PHLPP1: variants seen among roughly 807,000 people sequenced by gnomAD.
PHLPP1 encodes PH domain and leucine rich repeat protein phosphatase 1, also known as PH domain leucine-rich repeat-containing protein phosphatase 1.
A neutral mutation model predicts 117.2 loss-of-function variants in PHLPP1; 42 were observed. That is an observed-to-expected ratio of 0.36 (90% confidence interval 0.28 to 0.46). The LOEUF is 0.46. Among genes scored for constraint, PHLPP1 ranks in the 20% least tolerant of loss-of-function variants. The pLI, the probability that PHLPP1 is intolerant of heterozygous loss-of-function variation, is 1.00. For missense variants in PHLPP1, 2,084 were observed against 2,241.9 expected (o/e 0.93, Z 1.42); for synonymous variants, 1,042 against 970.7 (o/e 1.07, Z -1.37).
chr18:62,761,272 A>G (rs1449311088), intron 1 of PHLPP1, among the ~76,000 whole-genome samples: 2 of 152,246 alleles, frequency 1.3e-5, no homozygotes, highest in African/African-American at 4.8e-5. Context: ...AATATTCTGG[A>G]AGGAATGGTG....
At chr18:62,811,673 G>T (rs1421349808) in intron 1 of PHLPP1, among the ~76,000 whole-genome samples, 1 of 151,840 alleles carries the variant, frequency 6.6e-6, no homozygotes, top group Non-Finnish European at 1.5e-5. Flanking sequence ...TTAAAACAAA[G>T]CTTCTAAAAT....
chr18:62,927,457 C>A (rs1403802313), intron 10 of PHLPP1, among the ~76,000 whole-genome samples: 1 of 151,980 alleles, frequency 6.6e-6, no homozygotes, highest in African/African-American at 2.4e-5. Context: ...TAAATATAGT[C>A]AAGTGAACAT....
At chr18:62,738,595 A>C (rs79424389) in intron 1 of PHLPP1, among the ~76,000 whole-genome samples, 3,725 of 152,310 alleles carry the variant, frequency 0.024, 73 homozygotes, top group Non-Finnish European at 0.04. Flanking sequence ...TCCTGGAACC[A>C]GTACCACTTG....
chr18:62,744,308 G>C (rs547544517), intron 1 of PHLPP1, among the ~76,000 whole-genome samples: 1 of 152,346 alleles, frequency 6.6e-6, no homozygotes, highest in African/African-American at 2.4e-5. Context: ...CTGGGTTTGT[G>C]AACCCTGACT....
At chr18:62,893,768 AG>A (rs1916485690) in intron 4 of PHLPP1, among the ~76,000 whole-genome samples, 1 of 150,614 alleles carries the variant, frequency 6.6e-6, no homozygotes. Context: ...GGTCGTTGAT[AG>A]GCCAAATGTA....
At chr18:62,788,941 TA>T (rs200453069) in intron 1 of PHLPP1, among the ~76,000 whole-genome samples, 5 of 151,500 alleles carry the variant, frequency 3.3e-5, no homozygotes, top group Admixed American at 6.6e-5. Flanking sequence ...GAGGTGTGTT[TA>T]AAAAAAAATA....
chr18:62,720,155 T>A (rs947139709), intron 1 of PHLPP1, among the ~76,000 whole-genome samples: 3 of 152,170 alleles, frequency 2.0e-5, no homozygotes, highest in African/African-American at 7.2e-5. Context: ...AAATTTTGCC[T>A]GAAAGAGAGT....
At chr18:62,865,416 T>G (rs1915748052) in intron 4 of PHLPP1, among the ~76,000 whole-genome samples, 1 of 152,240 alleles carries the variant, frequency 6.6e-6, no homozygotes, top group Non-Finnish European at 1.5e-5. Flanking sequence ...TAATCATTAT[T>G]ATCATTTTGT....
intron 12 of PHLPP1, among the ~76,000 whole-genome samples, chr18:62,950,553 TG>T (rs1368709089): frequency 6.6e-6 from 1 of 152,072 alleles, no homozygotes; most frequent in Non-Finnish European, 1.5e-5. Flanking sequence ...GGGAAATGGC[TG>T]GGTAGAATGG....
chr18:62,716,040 C>G lies in PHLPP1; in HGVS notation c.357C>G (p.Leu119=). ...GGGCCGGCGGCGGCGCCAACTCCCTCCTGCTGAGGAGAGGGCGGCTGAAGA... is the reference window on the plus strand; with the variant it reads ...GGGCCGGCGGCGGCGCCAACTCCCTGCTGCTGAGGAGAGGGCGGCTGAAGA... ...VPGAGGGANS[L]LLRRGRLKRN... The change falls in exon 1 of 17, where the codon CTC becomes CTG. Residue 119 remains leucine, a synonymous_variant. Coordinates refer to ENST00000262719, the MANE Select transcript of PHLPP1 (RefSeq NM_194449.4). The surrounding 1 kb of genome is among the most constrained non-coding windows in gnomAD (Gnocchi z 5.7). 6.2e-6 allele frequency: 9 copies of G among 1,440,802 alleles called. No homozygotes were observed. The highest frequency in any genetic ancestry group is 2.9e-5 in the East Asian group (1 of 34,126). The allele number at this position is 1,440,802 out of a possible 1,614,324, so 89.3% of individuals were successfully genotyped here.
intron 11 of PHLPP1, among the ~76,000 whole-genome samples, 197 bp downstream of exon 11, chr18:62,942,115 CA>C (rs2144453937): frequency 6.6e-6 from 1 of 152,236 alleles, no homozygotes; most frequent in East Asian, 1.9e-4. Context: ...CATATGTGTC[CA>C]AAGACCTAAT....
chr18:62,874,192 A>G (rs1428700719), intron 4 of PHLPP1, among the ~76,000 whole-genome samples: 1 of 150,090 alleles, frequency 6.7e-6, no homozygotes, highest in Non-Finnish European at 1.5e-5. Context: ...CTCAAAAAAA[A>G]AAAAAAAAGA....
intron 1 of PHLPP1, among the ~76,000 whole-genome samples, chr18:62,721,557 G>A (rs1044459236): frequency 2.0e-5 from 3 of 151,792 alleles, no homozygotes; most frequent in South Asian, 2.1e-4. Context: ...TTAAAAAATC[G>A]AGTTGTCTTT....
At position 62,956,034 on chromosome 18, in the gene PHLPP1, AAAAAC is replaced by A. The variant is rs997754018; in HGVS notation, c.3325-2586_3325-2582del. On this transcript the variant is annotated intron_variant, in intron 12 of 16. Transcript: ENST00000262719. ...GATGTAACCATTATTTATAATTGAA[AAAAAC>A]AAAACAAAGCAAAAAAGAGATGACT... Among the ~76,000 whole-genome samples the A allele has an allele frequency of 2.8e-3, 421 of 152,328 alleles. 3 individuals carry two copies. The highest frequency in any genetic ancestry group is 9.7e-3 in the African/African-American group (405 of 41,564).
At chr18:62,974,128 G>A (rs1203352529) in intron 15 of PHLPP1, among the ~76,000 whole-genome samples, 1 of 152,142 alleles carries the variant, frequency 6.6e-6, no homozygotes, top group Non-Finnish European at 1.5e-5. Flanking sequence ...ATTAAAAACT[G>A]AGAACCCCAG....
rs755762548 is a variant in PHLPP1, at chr18:62,941,837, A to G, written c.3080A>G (p.Lys1027Arg). ...LYLTNNSLTD[K>R]CVPLLTGHPH... is the part of the protein sequence containing the mutation. The stretch of plus-strand genomic sequence containing the variant: ...TTGACAAATAACAGCCTCACAGACA[A>G]ATGTGTGCCCTTGTTAACGGGACAC... The change falls in exon 11 of 17, where the codon AAA becomes AGA. Residue 1027 changes from lysine to arginine, a missense_variant. Physicochemically the swap from Lys to Arg is conservative, Grantham distance 26 (BLOSUM62 2). Around this residue, in one of 2 missense-constraint regions of PHLPP1, gnomAD observed 1,365 missense variants for 1,605.9 expected, o/e 0.85. Transcript: ENST00000262719. 9 of 1,613,900 alleles carry G rather than the reference A, an allele frequency of 5.6e-6. No individual in the cohort carries two copies. Among genetic ancestry groups the G allele is most frequent in the Middle Eastern group, 3.3e-4 (2 of 6,084 alleles).
intron 1 of PHLPP1, among the ~76,000 whole-genome samples, chr18:62,728,904 G>GAGA (rs1020262572): frequency 4.6e-5 from 7 of 152,128 alleles, no homozygotes; most frequent in African/African-American, 1.7e-4. Flanking sequence ...TGGCTAGCCT[G>GAGA]AGAAGGGGGT....
intron 1 of PHLPP1, chr18:62,824,255 A>G (rs1163350324): frequency 1.1e-5 from 5 of 453,926 alleles, no homozygotes; most frequent in Non-Finnish European, 2.2e-5. Flanking sequence ...AGAGGAATCA[A>G]AACATTTGTC....
intron 1 of PHLPP1, among the ~76,000 whole-genome samples, chr18:62,742,380 A>G (rs147184737): frequency 4.5e-4 from 69 of 152,224 alleles, no homozygotes; most frequent in Non-Finnish European, 8.1e-4. Context: ...AGATGCTCCC[A>G]GAATGCAAAG....
Sources: gnomAD v4.1 joint callset for allele counts (sites outside exome capture counted in the v4.1 genomes callset) on GRCh38, gnomAD v4.1.1 for gene constraint, gnomAD v4.1.1 regional missense constraint, Gnocchi (gnomAD v3.1) non-coding constraint, MANE v1.5 for transcripts, NCBI Gene and HGNC (gene_info 2026-07-23, HGNC 2026-07-21) for gene names.